The following BTBD7 variants were observed in gnomAD, a reference collection of about 807,000 sequenced individuals.
The protein encoded by BTBD7 is BTB/POZ domain-containing protein 7.
In BTBD7, 38 loss-of-function variants were observed where a neutral mutation model predicts 99.9. The observed-to-expected ratio is 0.38, with a 90% CI of 0.29 to 0.50. The LOEUF (loss-of-function observed/expected upper bound fraction) is 0.50. BTBD7 is among the 20% of genes least tolerant of loss of function. BTBD7 has a pLI of 0.93. For synonymous variants in BTBD7, 520 were observed against 511.4 expected, an observed-to-expected ratio of 1.02 and a Z score of -0.23; for missense variants, 1,170 against 1,394.6, an observed-to-expected ratio of 0.84 and a Z score of 2.57.
In BTBD7 at chr14:93,332,998, G is replaced by T; in HGVS notation, c.-285C>A. The T allele has an allele frequency of 1.8e-6, 1 of 546,782 alleles. No homozygotes were observed. Among genetic ancestry groups the T allele is most frequent in the Non-Finnish European group, 3.1e-6 (1 of 327,092 alleles). 33.9% of individuals were successfully genotyped at this position (546,782 alleles called of 1,614,324 possible). ...TGGCTCAGGCTCCGGGACTGCTCCAGGTTCCCCTCGCCGCCATTTTGACTC... is the reference window on the plus strand; with the variant it reads ...TGGCTCAGGCTCCGGGACTGCTCCATGTTCCCCTCGCCGCCATTTTGACTC... On this transcript the variant is annotated 5_prime_UTR_variant, in exon 1 of 11. The change creates a new upstream start codon in the 5' untranslated region. Coordinates refer to ENST00000334746, the MANE Select transcript of BTBD7 (RefSeq NM_001002860.4).
intron 1 of BTBD7, 91 bp downstream of exon 1, chr14:93,332,729 C>G: frequency 7.2e-7 from 1 of 1,387,546 alleles, no homozygotes. Flanking sequence ...GCCCCCACGC[C>G]TAAGAACAGC....
At chr14:93,322,907 G>C (rs1272249565) in intron 1 of BTBD7, among the ~76,000 whole-genome samples, 1 of 152,122 alleles carries the variant, frequency 6.6e-6, no homozygotes, top group Non-Finnish European at 1.5e-5. Context: ...TTGAGGCCAG[G>C]AGTTCAAGAC....
chr14:93,264,159 G>GA (rs2052518586), intron 3 of BTBD7, among the ~76,000 whole-genome samples, 166 bp from the exon 4 acceptor site: 1 of 152,158 alleles, frequency 6.6e-6, no homozygotes, highest in South Asian at 2.1e-4. Flanking sequence ...GTAAACAATA[G>GA]ACTATGGCAT....
intron 1 of BTBD7, among the ~76,000 whole-genome samples, chr14:93,315,366 G>A (rs2053188159): frequency 6.6e-6 from 1 of 152,184 alleles, no homozygotes. Context: ...AAGCGAGATG[G>A]ATAAATTTTC....
At chr14:93,243,132 C>A in intron 10 of BTBD7, 44 bp from the exon 11 acceptor site, 1 of 1,506,778 alleles carries the variant, frequency 6.6e-7, no homozygotes, top group Non-Finnish European at 9.1e-7. Flanking sequence ...AAAAAAGGAC[C>A]CATCCTCTGT....
chr14:93,312,558 G>C (rs995914006), intron 1 of BTBD7, among the ~76,000 whole-genome samples: 8 of 152,130 alleles, frequency 5.3e-5, no homozygotes, highest in African/African-American at 1.9e-4. Context: ...CTGAGCTAGG[G>C]AATTCAGGAG....
At position 93,300,758 on chromosome 14, in the gene BTBD7, GTGTGTGTGTGTGTGTA is replaced by G. The variant is rs1458669840; in HGVS notation, c.-106-4617_-106-4602del. Among the ~76,000 whole-genome samples, 242 of 44,006 alleles carry G rather than the reference GTGTGTGTGTGTGTGTA, an allele frequency of 5.5e-3. 26 individuals are homozygous for G. The highest frequency in any genetic ancestry group is 0.012 in the African/African-American group (68 of 5,880). The allele number at this position is 44,006 out of a possible 152,430, so 28.9% of individuals were successfully genotyped here. On this transcript the variant is annotated intron_variant, in intron 1 of 10. Transcript: ENST00000334746. ...TGTGTGTGTGTGTGTGTGTGTGTGT[GTGTGTGTGTGTGTGTA>G]TATATATATATATTTTTTTTTTGTA...
chr14:93,242,757 T>C lies in BTBD7; in HGVS notation c.2915A>G (p.Tyr972Cys). The change falls in exon 11 of 11, where the codon TAT becomes TGT. Residue 972 changes from tyrosine to cysteine, a missense_variant. By Grantham distance (194) the Tyr-to-Cys change is radical. Transcript: ENST00000334746. Reference protein sequence around the residue: ...RRTPSPSQGGYFGPDLYSHNK... With the variant: ...RRTPSPSQGGCFGPDLYSHNK... ...GTGGCTGTACAGATCGGGACCAAAATATCCACCTTGCGAAGGGGAAGGGGT... is the reference window on the plus strand; with the variant it reads ...GTGGCTGTACAGATCGGGACCAAAACATCCACCTTGCGAAGGGGAAGGGGT... 6.2e-7 allele frequency: 1 copy of C among 1,614,114 alleles called. No homozygotes were observed. The highest frequency in any genetic ancestry group is 8.5e-7 in the Non-Finnish European group (1 of 1,180,030).
At chr14:93,247,670 G>A (rs939554477) in intron 9 of BTBD7, among the ~76,000 whole-genome samples, 3 of 152,168 alleles carry the variant, frequency 2.0e-5, no homozygotes, top group Non-Finnish European at 4.4e-5. Context: ...TAAAGGGTAC[G>A]GATTAAAGGG....
rs531457320 is a variant in BTBD7 at position 93,280,581 on chromosome 14, CTAAGTA to C, written c.1162+13271_1162+13276del. On this transcript the variant is annotated intron_variant, in intron 3 of 10. Coordinates refer to ENST00000334746, the MANE Select transcript of BTBD7 (RefSeq NM_001002860.4). ...TTTATAAACATAAACATGCCAATAC[CTAAGTA>C]TGAGATACATAAAAATGTTTTAGTG... Among the ~76,000 whole-genome samples, 53 of 152,174 alleles carry C rather than the reference CTAAGTA, an allele frequency of 3.5e-4. 2 individuals carry two copies. The East Asian group carries it at 8.5e-3, about 24-fold the overall frequency.
chr14:93,313,548 G>T (rs911749354), intron 1 of BTBD7, among the ~76,000 whole-genome samples: 2 of 151,940 alleles, frequency 1.3e-5, no homozygotes, highest in African/African-American at 2.4e-5. Flanking sequence ...ACTAATATAT[G>T]CAACAATCGA....
intron 1 of BTBD7, among the ~76,000 whole-genome samples, chr14:93,317,048 TAAG>T (rs1257675555): frequency 6.6e-6 from 1 of 152,176 alleles, no homozygotes; most frequent in Non-Finnish European, 1.5e-5. Context: ...GAAACCTTCA[TAAG>T]AAAGAGTGCA....
At chr14:93,301,893 A>G (rs2053008995) in intron 1 of BTBD7, among the ~76,000 whole-genome samples, 1 of 152,224 alleles carries the variant, frequency 6.6e-6, no homozygotes, top group South Asian at 2.1e-4. Flanking sequence ...CTACTGTGCT[A>G]GAGCGCAAGG....
chr14:93,317,646 G>A (rs1270889260), intron 1 of BTBD7, among the ~76,000 whole-genome samples: 1 of 152,146 alleles, frequency 6.6e-6, no homozygotes, highest in Non-Finnish European at 1.5e-5. Flanking sequence ...CAACATAGCA[G>A]GCCTAAGACT....
At chr14:93,276,434 G>C (rs902837895) in intron 3 of BTBD7, among the ~76,000 whole-genome samples, 53 of 152,158 alleles carry the variant, frequency 3.5e-4, no homozygotes, top group African/African-American at 1.3e-3. Context: ...GAACAAAGTG[G>C]AAGGGTGGGG....
intron 10 of BTBD7, among the ~76,000 whole-genome samples, chr14:93,243,341 C>T (rs915985460): frequency 5.9e-5 from 9 of 151,912 alleles, no homozygotes; most frequent in African/African-American, 1.7e-4. Flanking sequence ...TTACAGGTGC[C>T]CGCCACCACG....
intron 3 of BTBD7, among the ~76,000 whole-genome samples, chr14:93,281,165 TC>T (rs1339208250): frequency 2.7e-5 from 4 of 149,168 alleles, no homozygotes; most frequent in African/African-American, 7.5e-5. Context: ...TATGCCTGGC[TC>T]TTTTTTTTTT....
At chr14:93,325,510 A>G (rs572338285) in intron 1 of BTBD7, among the ~76,000 whole-genome samples, 2 of 152,204 alleles carry the variant, frequency 1.3e-5, no homozygotes, top group Non-Finnish European at 2.9e-5. Flanking sequence ...AGTTGCAGAG[A>G]CTTAGCTGGC....
chr14:93,323,124 T>TA (rs2053288811), intron 1 of BTBD7, among the ~76,000 whole-genome samples: 1 of 151,346 alleles, frequency 6.6e-6, no homozygotes, highest in East Asian at 1.9e-4. Context: ...TCCTGTCTCT[T>TA]AAAAAAAACA....
Sources: gnomAD v4.1 joint callset for allele counts (sites outside exome capture counted in the v4.1 genomes callset) on GRCh38, gnomAD v4.1.1 for gene constraint, MANE v1.5 for transcripts, NCBI Gene and HGNC (gene_info 2026-07-23, HGNC 2026-07-21) for gene names.